The following CTSC variants were observed in gnomAD, a reference collection of about 807,000 sequenced individuals.
CTSC encodes dipeptidyl peptidase 1.
CTSC carries 37 observed loss-of-function variants against 40.9 expected under a neutral mutation model. That is an observed-to-expected ratio of 0.91 (90% CI 0.70 to 1.19). The LOEUF is 1.19. CTSC is among the 50% of genes most tolerant of loss of function. CTSC has a pLI of 0.00. For synonymous variants in CTSC, 232 were observed against 207.4 expected, an observed-to-expected ratio of 1.12 and a Z score of -1.02; for missense variants, 594 against 567.3, an observed-to-expected ratio of 1.05 and a Z score of -0.48.
chr11:88,310,784 GT>G (rs1423282616), intron 3 of CTSC, among the ~76,000 whole-genome samples: 2 of 152,068 alleles, frequency 1.3e-5, no homozygotes, highest in Non-Finnish European at 2.9e-5. Context: ...TTGTTTCATT[GT>G]TTCTTTAGGC....
chr11:88,311,555 G>T (rs1380761661), intron 3 of CTSC, among the ~76,000 whole-genome samples: 4 of 152,146 alleles, frequency 2.6e-5, no homozygotes, highest in Non-Finnish European at 4.4e-5. Context: ...GTGTGGTTTA[G>T]TCAGTTATAG....
chr11:88,330,877 C>A (rs1259176335), intron 2 of CTSC, among the ~76,000 whole-genome samples: 1 of 152,122 alleles, frequency 6.6e-6, no homozygotes, highest in African/African-American at 2.4e-5. Context: ...TTCAGATAAG[C>A]CCTGAATAAA....
intron 6 of CTSC, 135 bp from the exon 7 acceptor site, chr11:88,294,643 C>A (rs1454444051): frequency 2.1e-6 from 2 of 963,600 alleles, no homozygotes; most frequent in African/African-American, 3.2e-5. Context: ...TCACTTCATT[C>A]ATCCATCCAT....
At chr11:88,326,245 G>A in intron 2 of CTSC, 1 of 1,509,510 alleles carries the variant, frequency 6.6e-7, no homozygotes, top group Non-Finnish European at 8.9e-7. Flanking sequence ...GAGGGCAGCT[G>A]CCTTGGAGGT....
chr11:88,315,703 A>C (rs531570570), intron 2 of CTSC, among the ~76,000 whole-genome samples: 1 of 152,320 alleles, frequency 6.6e-6, no homozygotes, highest in Non-Finnish European at 1.5e-5. Context: ...GAAGTGGTGG[A>C]ACTAGAACTA....
intron 2 of CTSC, among the ~76,000 whole-genome samples, chr11:88,331,449 A>T (rs1176534469): frequency 6.6e-6 from 1 of 152,232 alleles, no homozygotes; most frequent in African/African-American, 2.4e-5. Context: ...ATATAAATAC[A>T]CAGGCACTTG....
At chr11:88,306,416 C>T (rs758154713) in intron 4 of CTSC, among the ~76,000 whole-genome samples, 2 of 152,216 alleles carry the variant, frequency 1.3e-5, no homozygotes, top group Non-Finnish European at 2.9e-5. Context: ...AAAAAAGGTG[C>T]CTTTTGGCCC....
chr11:88,334,253 T>G (rs1465188736), intron 2 of CTSC, among the ~76,000 whole-genome samples: 1 of 152,240 alleles, frequency 6.6e-6, no homozygotes, highest in Non-Finnish European at 1.5e-5. Context: ...TTCCAGCTTG[T>G]GAAGAACAAA....
chr11:88,294,909 T>G (rs972950444), intron 6 of CTSC, among the ~76,000 whole-genome samples: 1 of 152,218 alleles, frequency 6.6e-6, no homozygotes, highest in African/African-American at 2.4e-5. Flanking sequence ...AAGTTAGGTA[T>G]TATGGTCATT....
chr11:88,303,329 C>T lies in CTSC; in HGVS notation c.642-2684G>A, dbSNP rs145189129. On this transcript the variant is annotated intron_variant, in intron 4 of 6. Transcript: ENST00000227266. ...ATCAGATCTCACAGGCTGAGGGCTC[C>T]GTCCCACAAAACTGCCCCCTACTTC... Among the ~76,000 whole-genome samples, 264 of 152,262 alleles carry T rather than the reference C, an allele frequency of 1.7e-3. 1 individual carries two copies. Among genetic ancestry groups the T allele is most frequent in the African/African-American group, 5.7e-3 (237 of 41,554 alleles).
intron 4 of CTSC, among the ~76,000 whole-genome samples, chr11:88,300,908 G>T (rs984992042): frequency 6.6e-6 from 1 of 152,018 alleles, no homozygotes; most frequent in Admixed American, 6.6e-5. Flanking sequence ...ATATCACTGT[G>T]ATGTTATTTT....
chr11:88,326,564 C>A, intron 2 of CTSC: 1 of 713,940 alleles, frequency 1.4e-6, no homozygotes, highest in Non-Finnish European at 2.4e-6. Context: ...TATTTGAGAT[C>A]CTGGTATATT....
At chr11:88,319,704 A>G (rs1242149370) in intron 2 of CTSC, among the ~76,000 whole-genome samples, 58 of 152,196 alleles carry the variant, frequency 3.8e-4, no homozygotes, top group Non-Finnish European at 1.3e-4. Flanking sequence ...TTCACATTTT[A>G]TAACAAATGT....
rs780976463 is a variant in CTSC, at chr11:88,312,423, A to G, written c.450T>C (p.Tyr150=). ...KKVGTASENV[Y]VNIAHLKNSQ... ...AATTCTTAAGGTGTGCTATGTTGAC[A>G]TACACATTCTCAGAGGCAGTTCCCA... Residue 150 remains tyrosine (Y), a synonymous_variant, in exon 3 of 7, where the codon TAT becomes TAC. Transcript: ENST00000227266. 14 of 1,614,052 alleles carry G rather than the reference A, an allele frequency of 8.7e-6. No homozygotes were observed. Among genetic ancestry groups the G allele is most frequent in the Admixed American group, 6.7e-5 (4 of 59,998 alleles).
At chr11:88,320,826 T>C in intron 2 of CTSC, 1 of 875,722 alleles carries the variant, frequency 1.1e-6, no homozygotes. Context: ...TACATAACAT[T>C]CTTTATTTTA....
At chr11:88,301,805 C>T (rs555861892) in intron 4 of CTSC, among the ~76,000 whole-genome samples, 178 of 48,482 alleles carry the variant, frequency 3.7e-3, no homozygotes, top group African/African-American at 8.6e-3. Context: ...CACAAACACA[C>T]GCGCGCACAC....
chr11:88,335,045 C>T lies in CTSC; in HGVS notation c.210G>A (p.Lys70=), dbSNP rs771971698. The change falls in exon 2 of 7, where the codon AAG becomes AAA. Residue 70 remains lysine, a synonymous_variant. Coordinates refer to ENST00000227266, the MANE Select transcript of CTSC (RefSeq NM_001814.6). ...QEKKVVVYLQ[K]LDTAYDDLGN... The stretch of plus-strand genomic sequence containing the variant: ...CAAGGTCATCATATGCTGTATCCAG[C>T]TTCTGAAGGTACACCACTACTTTTT... 5 of 1,606,140 alleles carry T rather than the reference C, an allele frequency of 3.1e-6. No individual in the cohort carries two copies. In the African/African-American group the frequency reaches 4.0e-5, roughly 13 times the overall value.
At chr11:88,297,508 G>GA (rs1482502542) in intron 5 of CTSC, 2 of 152,344 alleles carry the variant, frequency 1.3e-5, no homozygotes, top group East Asian at 3.9e-4. Context: ...CACAACCCAG[G>GA]AGAGTCTGGA....
At chr11:88,320,737 G>C (rs1483791205) in intron 2 of CTSC, 5 of 853,020 alleles carry the variant, frequency 5.9e-6, no homozygotes, top group Non-Finnish European at 7.0e-6. Flanking sequence ...TATATGGCCT[G>C]AGGGCCCACC....
Sources: gnomAD v4.1 joint callset for allele counts (sites outside exome capture counted in the v4.1 genomes callset) on GRCh38, gnomAD v4.1.1 for gene constraint, MANE v1.5 for transcripts, NCBI Gene and HGNC (gene_info 2026-07-23, HGNC 2026-07-21) for gene names.